Variants in XPO6 observed in about 807,000 individuals in gnomAD.
The protein encoded by XPO6 is exportin 6.
Under a neutral mutation model 130.0 loss-of-function variants are expected in XPO6, and 3 were observed. The ratio of observed to expected loss-of-function variants is 0.02; its 90% CI spans 0.01 to 0.06. XPO6 has a LOEUF of 0.06. XPO6 is among the 10% of genes least tolerant of loss of function. The pLI is 1.00. For missense variants in XPO6, 970 were observed against 1,393.0 expected (o/e 0.70, Z 4.83); for synonymous variants, 524 against 548.9 (o/e 0.95, Z 0.63).
At chr16:28,140,949 G>A (rs2042879824) in intron 9 of XPO6, among the ~76,000 whole-genome samples, 1 of 152,212 alleles carries the variant, frequency 6.6e-6, no homozygotes. Flanking sequence ...AAGGATTGAA[G>A]CATATTCCTG....
rs766244340 is a variant in XPO6, at chr16:28,106,246, C to G, written c.2613-32G>C. 4.3e-6 allele frequency: 7 copies of G among 1,610,016 alleles called. No individual in the cohort carries two copies. Among genetic ancestry groups the G allele is most frequent in the Non-Finnish European group, 5.9e-6 (7 of 1,176,994 alleles). On this transcript the variant is annotated intron_variant, in intron 19 of 23. Transcript: ENST00000304658. This position sits in a 1 kb window ranked among gnomAD's most constrained non-coding sequence, Gnocchi z 4.2. ...AGGAGAAAGCCACACAGTGAGCAAC[C>G]ACATGTTTCTCTGGGGGCCAGCATG... is the stretch of plus-strand genomic sequence containing the variant.
chr16:28,098,127 A>C lies in XPO6; in HGVS notation c.*411T>G. On this transcript the variant is annotated 3_prime_UTR_variant, in exon 24 of 24. Transcript: ENST00000304658. ...GATCTCAAGGCAATTGGGGCGGGGG[A>C]GGCTTGACAGAAGTGCCAGAGCAGT... The C allele has an allele frequency of 6.0e-6, 1 of 165,702 alleles. No homozygotes were observed. The highest frequency in any genetic ancestry group is 1.7e-4 in the East Asian group (1 of 5,840). The allele number at this position is 165,702 out of a possible 1,614,324, so 10.3% of individuals were successfully genotyped here.
At chr16:28,160,044 G>A (rs2043248721) in intron 6 of XPO6, among the ~76,000 whole-genome samples, 1 of 151,634 alleles carries the variant, frequency 6.6e-6, no homozygotes, top group Admixed American at 6.6e-5. Context: ...AATTAGCTGG[G>A]CGTGGTGGTG....
chr16:28,155,946 C>G, intron 7 of XPO6, 128 bp downstream of exon 7: 1 of 1,444,564 alleles, frequency 6.9e-7, no homozygotes, highest in Middle Eastern at 2.6e-4. Context: ...ACACACCTAC[C>G]TTTCTGTTCC....
At chr16:28,124,556 G>A (rs1347937102) in intron 13 of XPO6, among the ~76,000 whole-genome samples, 2 of 152,126 alleles carry the variant, frequency 1.3e-5, no homozygotes, top group African/African-American at 4.8e-5. Flanking sequence ...GTGGACCCAG[G>A]AAACTGTTAA....
chr16:28,172,356 A>G (rs1337219869), intron 4 of XPO6, among the ~76,000 whole-genome samples: 1 of 152,214 alleles, frequency 6.6e-6, no homozygotes, highest in Non-Finnish European at 1.5e-5. Context: ...TCAGGTTTCT[A>G]GCGTGAACTT....
intron 13 of XPO6, among the ~76,000 whole-genome samples, chr16:28,124,105 T>TG (rs1406270067): frequency 2.0e-5 from 3 of 150,728 alleles, no homozygotes; most frequent in Non-Finnish European, 4.4e-5. Flanking sequence ...TTGCCCAGGC[T>TG]GGAGTGCACT....
Position 28,132,281 on chromosome 16 carries a change from G to A in XPO6, c.1606+53C>T. 4.4e-6 allele frequency: 6 copies of A among 1,359,688 alleles called. No individual in the cohort carries two copies. The South Asian group carries it at 7.5e-5, about 17-fold the overall frequency. 84.2% of individuals were successfully genotyped at this position (1,359,688 alleles called of 1,614,324 possible). Reference sequence around the variant, plus strand: ...CAACGGCAGCAGTAATGAAATATCAGTCCGATGGTTTTTTGAATGTTTGGT... The same window carrying A: ...CAACGGCAGCAGTAATGAAATATCAATCCGATGGTTTTTTGAATGTTTGGT... On this transcript the variant is annotated intron_variant, in intron 12 of 23. Transcript: ENST00000304658. This position sits in a 1 kb window ranked among gnomAD's most constrained non-coding sequence, Gnocchi z 4.0.
chr16:28,169,777 C>G lies in XPO6; in HGVS notation c.538G>C (p.Val180Leu). 1 of 1,614,086 alleles carries G rather than the reference C, an allele frequency of 6.2e-7. No individual in the cohort carries two copies. Among genetic ancestry groups the G allele is most frequent in the Non-Finnish European group, 8.5e-7 (1 of 1,179,992 alleles). The change falls in exon 5 of 24, where the codon GTG becomes CTG. Residue 180 changes from valine to leucine, a missense_variant. Transcript: ENST00000304658. ...GTCAGTAGCCCAAGCACTGTCTGCA[C>G]CTGGTCCAGTAGCAGCTTCCGCAAC... ...EELRKLLLDQ[V>L]QTVLGLLTGI...
chr16:28,119,833 A>C (rs2087182115), intron 14 of XPO6, among the ~76,000 whole-genome samples: 1 of 152,122 alleles, frequency 6.6e-6, no homozygotes, highest in Admixed American at 6.6e-5. Context: ...TTACGGGTGA[A>C]GTGACATGTT....
intron 7 of XPO6, chr16:28,153,641 A>C: frequency 1.0e-6 from 1 of 985,452 alleles, no homozygotes; most frequent in Non-Finnish European, 1.2e-6. Context: ...AGAAACTGTC[A>C]TTTTAAGCCC....
chr16:28,121,269 A>G (rs1240582463), intron 14 of XPO6, among the ~76,000 whole-genome samples: 2 of 152,214 alleles, frequency 1.3e-5, no homozygotes, highest in South Asian at 4.1e-4. Flanking sequence ...TCTGCATCCT[A>G]CAGTATCCTA....
intron 13 of XPO6, among the ~76,000 whole-genome samples, chr16:28,122,263 C>G (rs1423491972): frequency 6.6e-6 from 1 of 151,920 alleles, no homozygotes; most frequent in Admixed American, 6.6e-5. Context: ...CTCTATTTTT[C>G]TGCATTTCCA....
chr16:28,154,131 C>A, intron 7 of XPO6: 1 of 985,220 alleles, frequency 1.0e-6, no homozygotes, highest in South Asian at 4.7e-5. Flanking sequence ...ATCACTAATA[C>A]TCAAGAGTAG....
At chr16:28,199,333 AC>A (rs1481797570) in intron 1 of XPO6, among the ~76,000 whole-genome samples, 1 of 152,150 alleles carries the variant, frequency 6.6e-6, no homozygotes, top group Non-Finnish European at 1.5e-5. Flanking sequence ...CTGGACAATA[AC>A]AAAGCACTTG....
chr16:28,144,109 T>C (rs964998364), intron 9 of XPO6, among the ~76,000 whole-genome samples: 3 of 152,220 alleles, frequency 2.0e-5, no homozygotes, highest in African/African-American at 7.2e-5. Flanking sequence ...TTGGCAAAAG[T>C]AACTTTTCCT....
At chr16:28,186,715 A>AGTGCAGTG (rs2043702238) in intron 1 of XPO6, among the ~76,000 whole-genome samples, 1 of 147,114 alleles carries the variant, frequency 6.8e-6, no homozygotes, top group African/African-American at 2.5e-5. Flanking sequence ...GTATCACCCC[A>AGTGCAGTG]GACTGGAGTG....
At position 28,152,870 on chromosome 16, in the gene XPO6, A is replaced by G. The variant is rs560671575; in HGVS notation, c.1098-85T>C. On this transcript the variant is annotated intron_variant, in intron 7 of 23. Transcript: ENST00000304658. ...ATTCAATCCAAAGTTCTTTCAGTACAGAACTATACAAATTTGTAATATATT... is the reference window on the plus strand; with the variant it reads ...ATTCAATCCAAAGTTCTTTCAGTACGGAACTATACAAATTTGTAATATATT... The G allele has an allele frequency of 9.8e-6, 15 of 1,523,542 alleles. No individual in the cohort carries two copies. The African/African-American group carries it at 2.1e-4, about 22-fold the overall frequency. The allele number at this position is 1,523,542 out of a possible 1,614,324, so 94.4% of individuals were successfully genotyped here.
intron 5 of XPO6, among the ~76,000 whole-genome samples, chr16:28,167,559 G>C (rs975505366): frequency 6.6e-6 from 1 of 152,086 alleles, no homozygotes; most frequent in Admixed American, 6.5e-5. Context: ...ATTCCATTCA[G>C]CTGTCACCTC....
Sources: gnomAD v4.1 joint callset for allele counts (sites outside exome capture counted in the v4.1 genomes callset) on GRCh38, gnomAD v4.1.1 for gene constraint, Gnocchi (gnomAD v3.1) non-coding constraint, MANE v1.5 for transcripts, NCBI Gene and HGNC (gene_info 2026-07-23, HGNC 2026-07-21) for gene names.